Variants in RBMS3 observed in about 807,000 individuals in gnomAD.
The protein encoded by RBMS3 is RNA-binding motif, single-stranded-interacting protein 3.
RBMS3 carries 27 observed loss-of-function variants against 66.8 expected under a neutral mutation model. The observed-to-expected ratio is 0.40, with a 90% confidence interval of 0.30 to 0.56. RBMS3 has a LOEUF of 0.56. Ranked by LOEUF, RBMS3 falls within the 20% of genes least tolerant of loss-of-function variation. The probability of loss-of-function intolerance (pLI) is 0.40; values close to 1 mark genes in which losing one functional copy is unlikely to be tolerated. For missense variants in RBMS3, 513 were observed against 549.5 expected (o/e 0.93, Z 0.66); for synonymous variants, 188 against 183.0 (o/e 1.03, Z -0.22).
chr3:29,785,838 C>G (rs889620164), intron 6 of RBMS3, among the ~76,000 whole-genome samples: 1 of 151,862 alleles, frequency 6.6e-6, no homozygotes, highest in Non-Finnish European at 1.5e-5. Flanking sequence ...GAAGTCTTAG[C>G]CAGAACAATC....
chr3:29,985,711 G>A (rs553555704), intron 12 of RBMS3, among the ~76,000 whole-genome samples: 1 of 152,242 alleles, frequency 6.6e-6, no homozygotes, highest in South Asian at 2.1e-4. Context: ...AGATGAGCCA[G>A]GTACCTCAGT....
chr3:29,714,255 G>C (rs2053298201), intron 4 of RBMS3, among the ~76,000 whole-genome samples: 1 of 147,490 alleles, frequency 6.8e-6, no homozygotes, highest in Admixed American at 7.1e-5. Context: ...AGAATTGAAA[G>C]ATTTAATGAG....
intron 1 of RBMS3, among the ~76,000 whole-genome samples, chr3:29,288,147 T>C (rs1443782457): frequency 1.3e-5 from 2 of 152,022 alleles, no homozygotes; most frequent in Non-Finnish European, 2.9e-5. Context: ...TGTATGTCAA[T>C]GCATTGGTTT....
chr3:29,983,301 A>G (rs1461632372), intron 12 of RBMS3, among the ~76,000 whole-genome samples: 6 of 141,718 alleles, frequency 4.2e-5, no homozygotes, highest in Non-Finnish European at 9.1e-5. Flanking sequence ...TTTTGAGCCT[A>G]TGTGTGTCTT....
chr3:29,944,273 T>C lies in RBMS3; in HGVS notation c.1098+19T>C. 1 of 1,562,446 alleles carries C rather than the reference T, an allele frequency of 6.4e-7. No homozygotes were observed. Among genetic ancestry groups the C allele is most frequent in the South Asian group, 1.1e-5 (1 of 90,002 alleles). Reference sequence around the variant, plus strand: ...GTGTCAGGTAGGAAAATTCTAATTCTTTTAAGACTGGATTGGAGGGGAGAG... The same window carrying C: ...GTGTCAGGTAGGAAAATTCTAATTCCTTTAAGACTGGATTGGAGGGGAGAG... On this transcript the variant is annotated intron_variant, in intron 12 of 14. Coordinates refer to ENST00000383767, the MANE Select transcript of RBMS3 (RefSeq NM_001003793.3).
At chr3:29,460,951 G>A (rs561211282) in intron 2 of RBMS3, among the ~76,000 whole-genome samples, 90 of 152,174 alleles carry the variant, frequency 5.9e-4, no homozygotes, top group African/African-American at 2.1e-3. Flanking sequence ...TTCATCTGGC[G>A]GACAATGTAT....
chr3:29,310,060 G>T (rs1289547263), intron 1 of RBMS3, among the ~76,000 whole-genome samples: 1 of 151,630 alleles, frequency 6.6e-6, no homozygotes, highest in Non-Finnish European at 1.5e-5. Flanking sequence ...GTGAGAACGT[G>T]AGTAAAAAAA....
intron 1 of RBMS3, among the ~76,000 whole-genome samples, chr3:29,405,555 G>A (rs1286448980): frequency 2.0e-5 from 3 of 152,114 alleles, no homozygotes; most frequent in African/African-American, 4.8e-5. Flanking sequence ...TGCCACATAC[G>A]TGGCTGTAAT....
chr3:29,867,401 T>C (rs1458084862), intron 6 of RBMS3, among the ~76,000 whole-genome samples: 2 of 149,664 alleles, frequency 1.3e-5, no homozygotes, highest in Non-Finnish European at 3.0e-5. Flanking sequence ...TCACCTAGGC[T>C]TATATATTTT....
intron 4 of RBMS3, among the ~76,000 whole-genome samples, chr3:29,641,791 G>T (rs1228738396): frequency 2.0e-5 from 3 of 152,052 alleles, no homozygotes; most frequent in African/African-American, 7.2e-5. Context: ...TGCACAGGGT[G>T]AGAGATGTAA....
intron 3 of RBMS3, among the ~76,000 whole-genome samples, chr3:29,556,044 G>A (rs577213306): frequency 3.9e-5 from 6 of 152,168 alleles, no homozygotes; most frequent in African/African-American, 1.4e-4. Context: ...CACATTGAAA[G>A]TGATTAGCTA....
chr3:29,439,350 G>C (rs1468847506), intron 2 of RBMS3, among the ~76,000 whole-genome samples: 1 of 152,108 alleles, frequency 6.6e-6, no homozygotes, highest in East Asian at 1.9e-4. Context: ...CTGAGATCAA[G>C]GAACAATTAG....
At chr3:29,727,967 T>C (rs1041364422) in intron 4 of RBMS3, among the ~76,000 whole-genome samples, 7 of 152,180 alleles carry the variant, frequency 4.6e-5, no homozygotes, top group African/African-American at 1.7e-4. Context: ...CCAATGTCCA[T>C]CAATGATAGA....
intron 4 of RBMS3, among the ~76,000 whole-genome samples, chr3:29,715,190 T>G (rs1288067613): frequency 6.6e-6 from 1 of 152,140 alleles, no homozygotes; most frequent in Non-Finnish European, 1.5e-5. Flanking sequence ...ATTTATTTCT[T>G]TAATGAACTA....
At chr3:29,795,048 T>G (rs67159720) in intron 6 of RBMS3, among the ~76,000 whole-genome samples, 24,796 of 152,180 alleles carry the variant, frequency 0.16, 2,220 homozygotes, top group Non-Finnish European at 0.19. Flanking sequence ...CCCCATCAGA[T>G]TCCCTAGGCG....
intron 1 of RBMS3, among the ~76,000 whole-genome samples, chr3:29,370,092 G>C (rs1022867769): frequency 6.6e-6 from 1 of 152,198 alleles, no homozygotes; most frequent in Non-Finnish European, 1.5e-5. Flanking sequence ...CTCATGACAG[G>C]TGTTCCAGGA....
At chr3:29,809,913 C>T (rs1246114337) in intron 6 of RBMS3, among the ~76,000 whole-genome samples, 3 of 152,002 alleles carry the variant, frequency 2.0e-5, no homozygotes, top group Non-Finnish European at 1.5e-5. Context: ...TGCTACCACC[C>T]CACCATCATG....
At chr3:29,352,884 C>T (rs1260699971) in intron 1 of RBMS3, among the ~76,000 whole-genome samples, 1 of 151,610 alleles carries the variant, frequency 6.6e-6, no homozygotes, top group East Asian at 1.9e-4. Flanking sequence ...ACATAGTGAC[C>T]TCCAGTTCCA....
At chr3:29,730,785 C>A (rs937495566) in intron 4 of RBMS3, 8 of 830,926 alleles carry the variant, frequency 9.6e-6, no homozygotes, top group Admixed American at 1.2e-4. Context: ...ACCATCAGGA[C>A]CACGAGTACA....
Sources: allele counts gnomAD v4.1 joint callset (sites outside exome capture counted in the v4.1 genomes callset), GRCh38; gene constraint gnomAD v4.1.1; transcripts MANE v1.5; gene names NCBI Gene and HGNC (gene_info 2026-07-23, HGNC 2026-07-21).